MAPK4: variants seen among roughly 807,000 people sequenced by gnomAD.
The protein encoded by MAPK4 is Erk3-related.
MAPK4 carries 22 observed loss-of-function variants against 47.7 expected under a neutral mutation model. The observed-to-expected ratio is 0.46, with a 90% CI of 0.33 to 0.66. The LOEUF is 0.66. MAPK4 is among the 30% of genes least tolerant of loss of function. MAPK4 has a pLI of 0.02. For missense variants in MAPK4, 736 were observed against 831.7 expected (o/e 0.88, Z 1.42); for synonymous variants, 390 against 365.7 (o/e 1.07, Z -0.76).
At chr18:50,580,732 A>T (rs998408020) in intron 1 of MAPK4, among the ~76,000 whole-genome samples, 12 of 152,300 alleles carry the variant, frequency 7.9e-5, no homozygotes, top group Middle Eastern at 3.4e-3. Context: ...GCTCCGTGGA[A>T]CAGCACTAGA....
At chr18:50,564,432 C>T (rs2042181386) in intron 1 of MAPK4, among the ~76,000 whole-genome samples, 1 of 152,120 alleles carries the variant, frequency 6.6e-6, no homozygotes, top group Non-Finnish European at 1.5e-5. Flanking sequence ...TTGTGACAAC[C>T]CAAAATGTCT....
intron 1 of MAPK4, among the ~76,000 whole-genome samples, chr18:50,574,880 G>A (rs977036930): frequency 4.6e-5 from 7 of 152,238 alleles, no homozygotes; most frequent in African/African-American, 1.7e-4. Context: ...GTAAATCCAG[G>A]TGCACAACAT....
At chr18:50,590,391 G>T (rs1280114734) in intron 1 of MAPK4, among the ~76,000 whole-genome samples, 1 of 152,154 alleles carries the variant, frequency 6.6e-6, no homozygotes, top group Non-Finnish European at 1.5e-5. Flanking sequence ...AGGAGGATTT[G>T]AGCTCATTCA....
chr18:50,725,957 T>C lies in MAPK4; in HGVS notation c.854-5T>C. ...GACCTTCATGTCCGGCTTTGCTCCC[T>C]GCAGCCATCGACTTTCTGGAGAAGA... On this transcript the variant is annotated splice_region_variant and splice_polypyrimidine_tract_variant and intron_variant, in intron 4 of 5. Transcript: ENST00000400384. 1 of 1,613,324 alleles carries C rather than the reference T, an allele frequency of 6.2e-7. No homozygotes were observed. The highest frequency in any genetic ancestry group is 8.5e-7 in the Non-Finnish European group (1 of 1,179,270).
chr18:50,718,327 T>C (rs1392037709), intron 3 of MAPK4, among the ~76,000 whole-genome samples: 1 of 152,224 alleles, frequency 6.6e-6, no homozygotes, highest in Non-Finnish European at 1.5e-5. Flanking sequence ...CAAGCGATTC[T>C]CATGTCTCAG....
intron 1 of MAPK4, among the ~76,000 whole-genome samples, chr18:50,596,870 G>C (rs999392555): frequency 6.6e-6 from 1 of 152,178 alleles, no homozygotes; most frequent in Non-Finnish European, 1.5e-5. Flanking sequence ...GTCGAAAGTT[G>C]AAATCATGGG....
Position 50,681,571 on chromosome 18 carries a change from G to C in MAPK4, c.546+17067G>C, listed in dbSNP as rs117099619. On this transcript the variant is annotated intron_variant, in intron 2 of 5. Coordinates refer to ENST00000400384, the MANE Select transcript of MAPK4 (RefSeq NM_002747.4). ...TTTTAGCTCTTCAGTTTAGGTCTTT[G>C]ATCCATTTTTTAGTTGATTTTTATA... Among the ~76,000 whole-genome samples the C allele has an allele frequency of 2.0e-4, 30 of 152,224 alleles. No individual in the cohort carries two copies. In the East Asian group the frequency reaches 4.4e-3, roughly 23 times the overall value.
At chr18:50,572,231 C>A (rs967999795) in intron 1 of MAPK4, among the ~76,000 whole-genome samples, 2 of 152,030 alleles carry the variant, frequency 1.3e-5, no homozygotes, top group Non-Finnish European at 2.9e-5. Context: ...CAGAGAAGAA[C>A]GTTAGGGTAC....
In MAPK4 at chr18:50,715,367, C is replaced by T. The variant is rs1200905029; in HGVS notation, c.691+144C>T. On this transcript the variant is annotated intron_variant, in intron 3 of 5. Coordinates refer to ENST00000400384, the MANE Select transcript of MAPK4 (RefSeq NM_002747.4). ...TGGCTTTTATGACACTATTTGGAGG[C>T]ACCTTATTATATTGTCAGGCAAAAA... The T allele has an allele frequency of 3.9e-6, 4 of 1,013,610 alleles. No individual in the cohort carries two copies. The Admixed American group carries it at 1.3e-4, about 32-fold the overall frequency. 62.8% of individuals were successfully genotyped at this position (1,013,610 alleles called of 1,614,324 possible).
chr18:50,603,912 G>T (rs1180364141), intron 1 of MAPK4, among the ~76,000 whole-genome samples: 1 of 151,988 alleles, frequency 6.6e-6, no homozygotes, highest in African/African-American at 2.4e-5. Context: ...TACTCATTGG[G>T]GCCTTTACTT....
intron 1 of MAPK4, among the ~76,000 whole-genome samples, chr18:50,657,805 ATGT>A (rs975053713): frequency 7.9e-5 from 12 of 152,044 alleles, no homozygotes; most frequent in African/African-American, 2.9e-4. Flanking sequence ...TTGGCTCAAG[ATGT>A]TGACAGTGCT....
intron 1 of MAPK4, among the ~76,000 whole-genome samples, chr18:50,590,484 T>C (rs559512414): frequency 2.0e-4 from 31 of 152,280 alleles, no homozygotes; most frequent in African/African-American, 6.3e-4. Context: ...CTGGAAGCAC[T>C]TGGATCAGAG....
intron 1 of MAPK4, among the ~76,000 whole-genome samples, chr18:50,619,855 TTCTC>T (rs2149381555): frequency 6.6e-6 from 1 of 152,362 alleles, no homozygotes; most frequent in East Asian, 1.9e-4. Context: ...CTGCAGTCCT[TTCTC>T]TCTGCGGTGC....
rs145496039 is a variant in MAPK4, at chr18:50,586,598, A to T, written c.-871+26355A>T. Among the ~76,000 whole-genome samples the T allele has an allele frequency of 1.5e-3, 233 of 152,176 alleles. 3 individuals carry two copies. In the East Asian group the frequency reaches 0.032, roughly 21 times the overall value. The stretch of plus-strand genomic sequence containing the variant: ...TCTGCAAATGTGGAGTAATAATGAT[A>T]TAACTTTTATGAGGAGAAAATAAGA... On this transcript the variant is annotated intron_variant, in intron 1 of 5. Transcript: ENST00000400384.
At chr18:50,605,329 C>T (rs777463724) in intron 1 of MAPK4, among the ~76,000 whole-genome samples, 70 of 152,282 alleles carry the variant, frequency 4.6e-4, no homozygotes, top group Middle Eastern at 3.4e-3. Context: ...AAAGAGGCAG[C>T]AGAGGGCTCC....
intron 1 of MAPK4, among the ~76,000 whole-genome samples, chr18:50,568,065 G>T (rs952026338): frequency 6.6e-6 from 1 of 151,686 alleles, no homozygotes; most frequent in Non-Finnish European, 1.5e-5. Context: ...GCGTGGTGGC[G>T]GATGCCTGTA....
At chr18:50,708,821 G>T (rs1910199055) in intron 2 of MAPK4, among the ~76,000 whole-genome samples, 1 of 152,178 alleles carries the variant, frequency 6.6e-6, no homozygotes, top group East Asian at 1.9e-4. Flanking sequence ...CTTATAGGCT[G>T]TGTGAGTATG....
chr18:50,697,492 C>T (rs972424189), intron 2 of MAPK4, among the ~76,000 whole-genome samples: 1 of 152,170 alleles, frequency 6.6e-6, no homozygotes, highest in East Asian at 1.9e-4. Context: ...GCAGGCATAC[C>T]GTAAGTGCTT....
At chr18:50,565,936 G>A (rs1162885056) in intron 1 of MAPK4, among the ~76,000 whole-genome samples, 1 of 152,186 alleles carries the variant, frequency 6.6e-6, no homozygotes, top group African/African-American at 2.4e-5. Context: ...ATGACTGTAT[G>A]ACTTTAAGAA....
Sources: allele counts gnomAD v4.1 joint callset (sites outside exome capture counted in the v4.1 genomes callset), GRCh38; gene constraint gnomAD v4.1.1; transcripts MANE v1.5; gene names NCBI Gene and HGNC (gene_info 2026-07-23, HGNC 2026-07-21).